ZBTB41: variants seen among roughly 807,000 people sequenced by gnomAD.
ZBTB41 encodes the protein zinc finger and BTB domain containing 41, also known as zinc finger and BTB domain-containing protein 41.
ZBTB41 carries 42 observed loss-of-function variants against 87.6 expected under a neutral mutation model. The observed-to-expected ratio is 0.48, with a 90% CI of 0.37 to 0.62. The LOEUF is 0.62. Among genes scored for constraint, ZBTB41 ranks in the 20% least tolerant of loss-of-function variants. The pLI is 0.00. For synonymous variants in ZBTB41, 364 were observed against 364.0 expected (o/e 1.00, Z 0.00); for missense variants, 799 against 1,078.9 (o/e 0.74, Z 3.63).
Position 197,159,790 on chromosome 1 carries a change from G to A in ZBTB41, c.2299C>T (p.Pro767Ser). 1 of 1,613,904 alleles carries A rather than the reference G, an allele frequency of 6.2e-7. No homozygotes were observed. Among genetic ancestry groups the A allele is most frequent in the South Asian group, 1.1e-5 (1 of 91,076 alleles). ...STSEEKLVSLPVEYSSDDKIF... is the reference protein window; with the variant it reads ...STSEEKLVSLSVEYSSDDKIF... Reference sequence around the variant, plus strand: ...TTGTCATCAGATGAGTACTCAACTGGCAAGGATACAAGTTTTTCCTCAGAA... The same window carrying A: ...TTGTCATCAGATGAGTACTCAACTGACAAGGATACAAGTTTTTCCTCAGAA... The change falls in exon 11 of 11, where the codon CCA becomes TCA. Residue 767 changes from proline (P) to serine (S), a missense_variant. Coordinates refer to ENST00000367405, the MANE Select transcript of ZBTB41 (RefSeq NM_194314.3).
At chr1:197,196,390 A>G (rs1320580921) in intron 2 of ZBTB41, among the ~76,000 whole-genome samples, 3 of 152,140 alleles carry the variant, frequency 2.0e-5, no homozygotes, top group East Asian at 3.9e-4. Flanking sequence ...TCTACATTCA[A>G]TGTATCATAA....
intron 9 of ZBTB41, among the ~76,000 whole-genome samples, chr1:197,173,950 C>T (rs75675169): frequency 0.014 from 2,094 of 152,210 alleles, 42 homozygotes; most frequent in African/African-American, 0.048. Context: ...TATTGAGAAA[C>T]GTCCTACAAT....
chr1:197,193,394 AAC>A (rs1481810078), intron 2 of ZBTB41, among the ~76,000 whole-genome samples: 2 of 151,794 alleles, frequency 1.3e-5, no homozygotes, highest in Non-Finnish European at 2.9e-5. Flanking sequence ...ACAAAAAAAA[AAC>A]CAAAAAAACA....
rs149969939 is a variant in ZBTB41 at position 197,155,151 on chromosome 1, G to C, written c.*4208C>G. The C allele has an allele frequency of 6.6e-6, 1 of 152,372 alleles. No individual in the cohort carries two copies. Among genetic ancestry groups the C allele is most frequent in the East Asian group, 1.9e-4 (1 of 5,176 alleles). The allele number at this position is 152,372 out of a possible 1,614,324, so 9.4% of individuals were successfully genotyped here. Reference sequence around the variant, plus strand: ...ACACACTACTCATTTTATTTTACTTGTCAGATTCCTCTAATAAGCATATAG... The same window carrying C: ...ACACACTACTCATTTTATTTTACTTCTCAGATTCCTCTAATAAGCATATAG... On this transcript the variant is annotated 3_prime_UTR_variant, in exon 11 of 11. Transcript: ENST00000367405.
intron 10 of ZBTB41, among the ~76,000 whole-genome samples, chr1:197,165,681 AC>A (rs1337530734): frequency 6.6e-6 from 1 of 152,120 alleles, no homozygotes; most frequent in Non-Finnish European, 1.5e-5. Flanking sequence ...TTAGAGGATA[AC>A]ATGGCTTTAA....
intron 2 of ZBTB41, among the ~76,000 whole-genome samples, chr1:197,194,765 G>C (rs933990929): frequency 1.4e-4 from 22 of 152,132 alleles, no homozygotes; most frequent in African/African-American, 4.8e-4. Context: ...AGAAATTTGA[G>C]TAAGTAAAAT....
At position 197,170,047 on chromosome 1, in the gene ZBTB41, C is replaced by T. The variant is rs550023096; in HGVS notation, c.2074+2113G>A. ...AGTGCCAAACTCTTCAAAAGCCCTA[C>T]GATATGCATTGATTGTACATACTTA... On this transcript the variant is annotated intron_variant, in intron 10 of 10. Transcript: ENST00000367405. Among the ~76,000 whole-genome samples the T allele has an allele frequency of 1.8e-4, 28 of 151,954 alleles. No homozygotes were observed. The South Asian group carries it at 3.7e-3, about 20-fold the overall frequency.
At position 197,160,042 on chromosome 1, in the gene ZBTB41, G is replaced by C. The variant is rs777121478; in HGVS notation, c.2075-28C>G. The C allele has an allele frequency of 1.9e-6, 3 of 1,560,236 alleles. No homozygotes were observed. In the South Asian group the frequency reaches 3.5e-5, roughly 18 times the overall value. The stretch of plus-strand genomic sequence containing the variant: ...ATATGAATGAACAAGAATATAATTA[G>C]ATGTAAAATGTACTCAACTTGATAA... On this transcript the variant is annotated intron_variant, in intron 10 of 10. Coordinates refer to ENST00000367405, the MANE Select transcript of ZBTB41 (RefSeq NM_194314.3).
chr1:197,182,284 A>G (rs1232222501), intron 5 of ZBTB41, among the ~76,000 whole-genome samples: 2 of 152,058 alleles, frequency 1.3e-5, no homozygotes, highest in Admixed American at 6.6e-5. Flanking sequence ...GAAATGAAGC[A>G]TTCTCTTTAA....
intron 10 of ZBTB41, among the ~76,000 whole-genome samples, chr1:197,163,853 G>T (rs576129470): frequency 3.9e-5 from 6 of 152,048 alleles, no homozygotes; most frequent in African/African-American, 1.4e-4. Context: ...AATGAAAAAA[G>T]CTGCTAACGT....
chr1:197,200,953 G>C (rs897085021), intron 1 of ZBTB41, among the ~76,000 whole-genome samples: 1 of 152,140 alleles, frequency 6.6e-6, no homozygotes, highest in African/African-American at 2.4e-5. Flanking sequence ...CGTGGCGGCC[G>C]CGAGATCCGA....
chr1:197,179,659 T>G (rs184299485), intron 6 of ZBTB41, among the ~76,000 whole-genome samples: 36 of 152,168 alleles, frequency 2.4e-4, no homozygotes, highest in South Asian at 6.2e-4. Flanking sequence ...TGGGACAAGA[T>G]GTGCAGGTGG....
intron 8 of ZBTB41, 72 bp from the exon 9 acceptor site, chr1:197,175,187 A>C: frequency 4.7e-6 from 6 of 1,268,870 alleles, no homozygotes; most frequent in South Asian, 4.0e-5. Flanking sequence ...ACAAACTATC[A>C]AACAGTAAGA....
chr1:197,180,800 C>T lies in ZBTB41; in HGVS notation c.1676+188G>A, dbSNP rs115884908. On this transcript the variant is annotated intron_variant, in intron 6 of 10. Coordinates refer to ENST00000367405, the MANE Select transcript of ZBTB41 (RefSeq NM_194314.3). ...TGTACATTAAATCATCCATCTAAAA[C>T]CTGCAAATCTTGAATCCATGTCATC... Among the ~76,000 whole-genome samples the T allele has an allele frequency of 4.9e-3, 740 of 152,184 alleles. 6 individuals are homozygous for T. The highest frequency in any genetic ancestry group is 0.02 in the Middle Eastern group (6 of 294).
rs1229344846 is a variant in ZBTB41 at position 197,155,468 on chromosome 1, GA to G, written c.*3890del. On this transcript the variant is annotated 3_prime_UTR_variant, in exon 11 of 11. Transcript: ENST00000367405. ...GAAAAGGCACAAAGCATTCAATGCA[GA>G]AAAGACTGGGTATAAAAGGACACTG... The G allele has an allele frequency of 1.3e-5, 2 of 152,254 alleles. No individual in the cohort carries two copies. The highest frequency in any genetic ancestry group is 3.8e-4 in the East Asian group (2 of 5,196). The allele number at this position is 152,254 out of a possible 1,614,324, so 9.4% of individuals were successfully genotyped here.
chr1:197,183,828 T>C (rs925577779), intron 5 of ZBTB41, among the ~76,000 whole-genome samples: 5 of 152,192 alleles, frequency 3.3e-5, no homozygotes, highest in Admixed American at 3.3e-4. Context: ...TGCTGCAGCA[T>C]GATAGAAGAA....
chr1:197,161,334 CAT>C (rs1242800773), intron 10 of ZBTB41, among the ~76,000 whole-genome samples: 7 of 152,214 alleles, frequency 4.6e-5, no homozygotes, highest in Admixed American at 6.6e-5. Flanking sequence ...TTAATTGTCA[CAT>C]GAGTTTGTTG....
At chr1:197,191,653 G>A (rs1311127448) in intron 3 of ZBTB41, 39 bp downstream of exon 3, 2 of 1,503,886 alleles carry the variant, frequency 1.3e-6, no homozygotes, top group Admixed American at 2.0e-5. Context: ...AAATTAAAAG[G>A]CACAATAAAG....
At chr1:197,182,226 T>C (rs925546947) in intron 5 of ZBTB41, among the ~76,000 whole-genome samples, 7 of 152,184 alleles carry the variant, frequency 4.6e-5, no homozygotes, top group African/African-American at 1.7e-4. Context: ...AAACTTTTTA[T>C]AAAATATGAC....
Sources: allele counts gnomAD v4.1 joint callset (sites outside exome capture counted in the v4.1 genomes callset), GRCh38; gene constraint gnomAD v4.1.1; transcripts MANE v1.5; gene names NCBI Gene and HGNC (gene_info 2026-07-23, HGNC 2026-07-21).